CTNNA3: variants seen among roughly 807,000 people sequenced by gnomAD.
CTNNA3 encodes the protein catenin alpha-3.
Under a neutral mutation model 95.7 loss-of-function variants are expected in CTNNA3, and 76 were observed. The ratio of observed to expected loss-of-function variants is 0.79; its 90% CI spans 0.66 to 0.96. CTNNA3 has a LOEUF of 0.96. CTNNA3 is among the 40% of genes least tolerant of loss of function. CTNNA3 has a pLI of 0.00. For missense variants in CTNNA3, 1,191 were observed against 1,089.8 expected (o/e 1.09, Z -1.31); for synonymous variants, 431 against 374.4 (o/e 1.15, Z -1.74).
chr10:66,772,284 G>T (rs1399581917), intron 8 of CTNNA3, among the ~76,000 whole-genome samples: 1 of 151,988 alleles, frequency 6.6e-6, no homozygotes, highest in African/African-American at 2.4e-5. Flanking sequence ...AAGTAGCAGG[G>T]TGTGGTGGCA....
At chr10:67,655,113 T>C (rs1839985125) in intron 1 of CTNNA3, among the ~76,000 whole-genome samples, 1 of 152,262 alleles carries the variant, frequency 6.6e-6, no homozygotes. Context: ...TGGTTCTTTC[T>C]ATGCCCTGAT....
Position 66,196,223 on chromosome 10 carries a change from A to G in CTNNA3, c.1884+84247T>C, listed in dbSNP as rs138354378. Among the ~76,000 whole-genome samples, 17 of 152,298 alleles carry G rather than the reference A, an allele frequency of 1.1e-4. No individual in the cohort carries two copies. In the East Asian group the frequency reaches 2.9e-3, roughly 26 times the overall value. On this transcript the variant is annotated intron_variant, in intron 13 of 17. Coordinates refer to ENST00000433211, the MANE Select transcript of CTNNA3 (RefSeq NM_013266.4). ...AAAGGTTAAACATTTGGAAATCTAT[A>G]AAGTCTAGCAAGATAACATTAATGA...
intron 10 of CTNNA3, among the ~76,000 whole-genome samples, chr10:66,558,072 A>C (rs1223143502): frequency 2.0e-5 from 3 of 152,154 alleles, no homozygotes; most frequent in Non-Finnish European, 4.4e-5. Context: ...ATGCCAGAGA[A>C]CTGTGAATAG....
intron 3 of CTNNA3, among the ~76,000 whole-genome samples, chr10:67,588,747 C>G (rs1434918302): frequency 6.6e-6 from 1 of 151,836 alleles, no homozygotes; most frequent in African/African-American, 2.4e-5. Flanking sequence ...GTTAAGGAAC[C>G]ATTATATTCA....
At chr10:66,195,578 G>T (rs140584243) in intron 13 of CTNNA3, among the ~76,000 whole-genome samples, 1 of 152,326 alleles carries the variant, frequency 6.6e-6, no homozygotes, top group African/African-American at 2.4e-5. Flanking sequence ...TGCTGCAACA[G>T]AAGCAGACCA....
At chr10:66,574,651 A>G (rs1361598612) in intron 10 of CTNNA3, among the ~76,000 whole-genome samples, 1 of 152,056 alleles carries the variant, frequency 6.6e-6, no homozygotes, top group Admixed American at 6.6e-5. Context: ...AAATGTTGCT[A>G]CCTCAAACAA....
At chr10:66,397,712 C>T (rs68011088) in intron 11 of CTNNA3, among the ~76,000 whole-genome samples, 15,366 of 151,728 alleles carry the variant, frequency 0.1, 1,023 homozygotes, top group East Asian at 0.26. Context: ...ATGATAAATG[C>T]CATAATGTAC....
intron 11 of CTNNA3, among the ~76,000 whole-genome samples, chr10:66,494,662 A>T (rs1840042930): frequency 6.6e-6 from 1 of 152,148 alleles, no homozygotes; most frequent in Admixed American, 6.6e-5. Flanking sequence ...AATTGTTGAG[A>T]GTTTGGAAGT....
chr10:67,133,410 G>GAT (rs143966211), intron 7 of CTNNA3, among the ~76,000 whole-genome samples: 10,426 of 144,378 alleles, frequency 0.072, 516 homozygotes, highest in African/African-American at 0.14. Context: ...CACAATGGTA[G>GAT]ATATATATAT....
chr10:67,671,917 C>T (rs978582246), intron 1 of CTNNA3, among the ~76,000 whole-genome samples: 24 of 151,938 alleles, frequency 1.6e-4, no homozygotes, highest in Admixed American at 5.3e-4. Flanking sequence ...TAGTTCTAGA[C>T]CCCTGAGGAA....
chr10:66,930,901 C>T (rs891744410), intron 7 of CTNNA3, among the ~76,000 whole-genome samples: 1 of 152,118 alleles, frequency 6.6e-6, no homozygotes, highest in Non-Finnish European at 1.5e-5. Context: ...TTTCTCCTCA[C>T]TCTTTGAGAA....
chr10:67,328,236 C>T (rs944504743), intron 5 of CTNNA3, among the ~76,000 whole-genome samples: 2 of 152,284 alleles, frequency 1.3e-5, no homozygotes, highest in Non-Finnish European at 2.9e-5. Context: ...GGCCATCCTG[C>T]TGGAGCTCTC....
At chr10:65,985,997 CTAACTA>C (rs1468437248) in intron 16 of CTNNA3, among the ~76,000 whole-genome samples, 2 of 151,420 alleles carry the variant, frequency 1.3e-5, no homozygotes, top group African/African-American at 2.4e-5. Flanking sequence ...TTTATTCTAT[CTAACTA>C]TATTTCTGTA....
chr10:66,569,465 T>C (rs947196881), intron 10 of CTNNA3, among the ~76,000 whole-genome samples: 4 of 152,158 alleles, frequency 2.6e-5, no homozygotes, highest in Admixed American at 1.3e-4. Context: ...TATTTAAAAA[T>C]GATTAATCTC....
At chr10:66,178,480 GAC>G (rs1340241525) in intron 13 of CTNNA3, among the ~76,000 whole-genome samples, 153 of 6,526 alleles carry the variant, frequency 0.023, no homozygotes, top group East Asian at 0.23. Flanking sequence ...TACATACACA[GAC>G]ACACACACAC....
intron 7 of CTNNA3, among the ~76,000 whole-genome samples, chr10:66,945,775 C>A (rs1341910101): frequency 1.3e-5 from 2 of 151,986 alleles, no homozygotes; most frequent in Non-Finnish European, 2.9e-5. Context: ...ACTTAGAGAC[C>A]ACTGTAGGGT....
At chr10:66,168,269 G>C (rs994687786) in intron 13 of CTNNA3, among the ~76,000 whole-genome samples, 16 of 152,190 alleles carry the variant, frequency 1.1e-4, no homozygotes, top group Admixed American at 8.5e-4. Flanking sequence ...AAGATAATGA[G>C]AGCCACAGCT....
chr10:67,431,897 G>A (rs1846122770), intron 5 of CTNNA3, among the ~76,000 whole-genome samples: 1 of 151,838 alleles, frequency 6.6e-6, no homozygotes, highest in South Asian at 2.1e-4. Flanking sequence ...CCCAAAACAT[G>A]TTTCTCCTCC....
chr10:67,739,688 G>T (rs867671136), intron 1 of CTNNA3, among the ~76,000 whole-genome samples: 28 of 152,148 alleles, frequency 1.8e-4, no homozygotes, highest in African/African-American at 6.5e-4. Flanking sequence ...ACATTCCATG[G>T]TCATGGATAG....
Sources: allele counts gnomAD v4.1 joint callset (sites outside exome capture counted in the v4.1 genomes callset), GRCh38; gene constraint gnomAD v4.1.1; transcripts MANE v1.5; gene names NCBI Gene and HGNC (gene_info 2026-07-23, HGNC 2026-07-21).